The following PPP6C variants were observed in gnomAD, a reference collection of about 807,000 sequenced individuals.
PPP6C encodes the protein protein phosphatase 6 catalytic subunit.
PPP6C carries 11 observed loss-of-function variants against 39.8 expected under a neutral mutation model. The observed-to-expected ratio is 0.28, with a 90% CI of 0.17 to 0.46. The LOEUF is 0.46. Ranked by LOEUF, PPP6C falls within the 20% of genes least tolerant of loss-of-function variation. PPP6C has a pLI of 1.00. For synonymous variants in PPP6C, 129 were observed against 130.3 expected (o/e 0.99, Z 0.07); for missense variants, 211 against 373.9 (o/e 0.56, Z 3.59).
At chr9:125,172,838 A>G (rs1245295131) in intron 1 of PPP6C, among the ~76,000 whole-genome samples, 1 of 152,180 alleles carries the variant, frequency 6.6e-6, no homozygotes, top group East Asian at 1.9e-4. Context: ...CCTAAAGATC[A>G]TGAGTTGTAT....
intron 3 of PPP6C, among the ~76,000 whole-genome samples, chr9:125,160,573 A>G (rs1319888494): frequency 6.6e-6 from 1 of 152,204 alleles, no homozygotes; most frequent in Non-Finnish European, 1.5e-5. Context: ...CGCCATCCAC[A>G]TAAGATGTGA....
chr9:125,167,305 C>T (rs745866328), intron 2 of PPP6C, among the ~76,000 whole-genome samples: 1 of 140,774 alleles, frequency 7.1e-6, no homozygotes, highest in Middle Eastern at 4.2e-3. Context: ...CACTTGAACC[C>T]GGGAGGCAGA....
intron 2 of PPP6C, among the ~76,000 whole-genome samples, chr9:125,168,117 G>T (rs1829065865): frequency 6.6e-6 from 1 of 152,252 alleles, no homozygotes; most frequent in Admixed American, 6.5e-5. Flanking sequence ...ACCCTCCATT[G>T]CCTCTGTACC....
chr9:125,152,913 G>GAA (rs59385050), intron 6 of PPP6C, among the ~76,000 whole-genome samples: 1 of 141,578 alleles, frequency 7.1e-6, no homozygotes, highest in Non-Finnish European at 1.5e-5. Context: ...AGGTCTTTGA[G>GAA]AAAAAAAAAA....
At chr9:125,187,215 G>A (rs1175997874) in intron 1 of PPP6C, among the ~76,000 whole-genome samples, 1 of 151,778 alleles carries the variant, frequency 6.6e-6, no homozygotes, top group Admixed American at 6.6e-5. Context: ...CCAAAGTGCT[G>A]GGATTACAGG....
chr9:125,160,767 T>C, intron 3 of PPP6C, 74 bp downstream of exon 3: 1 of 1,074,588 alleles, frequency 9.3e-7, no homozygotes. Flanking sequence ...AAAGAATTAT[T>C]ATGCAATTTA....
chr9:125,160,856 T>G lies in PPP6C; in HGVS notation c.222A>C (p.Thr74=), dbSNP rs140347399. The G allele has an allele frequency of 6.3e-6, 10 of 1,592,942 alleles. No homozygotes were observed. The highest frequency in any genetic ancestry group is 8.5e-6 in the Non-Finnish European group (10 of 1,171,270). Residue 74 remains threonine (T), a synonymous_variant, in exon 3 of 7, where the codon ACA becomes ACC. Coordinates refer to ENST00000373547, the MANE Select transcript of PPP6C (RefSeq NM_002721.5). ...GTTTACATACCATAAATATGTAGTT[T>G]GTGTCAGGAACCTGACCTCCAGTTC... The part of the protein sequence containing the change: ...LFRTGGQVPD[T]NYIFMGDFVD...
chr9:125,187,725 G>A (rs1022495880), intron 1 of PPP6C, among the ~76,000 whole-genome samples: 1 of 151,818 alleles, frequency 6.6e-6, no homozygotes, highest in Non-Finnish European at 1.5e-5. Flanking sequence ...GCTACTAAGA[G>A]GTCTGGTTAG....
rs1169190980 is a variant in PPP6C at position 125,166,535 on chromosome 9, CTTTTTT to C, written c.171+4544_171+4549del. On this transcript the variant is annotated intron_variant, in intron 2 of 6. Transcript: ENST00000373547. ...GAATTTCACAAGTATTTTTCTTTTTCTTTTTTTTTTTTTTTTTAGCAGAGTCTCACT... is the reference window on the plus strand; with the variant it reads ...GAATTTCACAAGTATTTTTCTTTTTCTTTTTTTTTTTAGCAGAGTCTCACT... Among the ~76,000 whole-genome samples the C allele has an allele frequency of 3.7e-5, 5 of 134,466 alleles. No individual in the cohort carries two copies. In the Admixed American group the frequency reaches 3.8e-4, roughly 10 times the overall value. The allele number at this position is 134,466 out of a possible 152,430, so 88.2% of individuals were successfully genotyped here.
At chr9:125,151,286 CT>C in intron 6 of PPP6C, 1 of 1,494,132 alleles carries the variant, frequency 6.7e-7, no homozygotes, top group Middle Eastern at 1.7e-4. Flanking sequence ...GGTGGCCATC[CT>C]TGCGGATGAC....
At chr9:125,152,648 TG>T (rs1366615717) in intron 6 of PPP6C, among the ~76,000 whole-genome samples, 1 of 150,236 alleles carries the variant, frequency 6.7e-6, no homozygotes, top group Non-Finnish European at 1.5e-5. Flanking sequence ...CTCACCAACA[TG>T]GTGAAACCCC....
chr9:125,167,070 T>G (rs1829032025), intron 2 of PPP6C, among the ~76,000 whole-genome samples: 1 of 151,954 alleles, frequency 6.6e-6, no homozygotes, highest in South Asian at 2.1e-4. Context: ...CTGGCTAATT[T>G]TTTTCTTTTT....
Position 125,158,826 on chromosome 9 carries a change from G to A in PPP6C, c.238-444C>T, listed in dbSNP as rs1466618329. Among the ~76,000 whole-genome samples, 10 of 151,292 alleles carry A rather than the reference G, an allele frequency of 6.6e-5. No individual in the cohort carries two copies. In the East Asian group the frequency reaches 7.8e-4, roughly 12 times the overall value. ...ACAGGTACAAGCCGCCACCACACCCGGCTGATTTTTGTATTTTTTGTAGAG... is the reference window on the plus strand; with the variant it reads ...ACAGGTACAAGCCGCCACCACACCCAGCTGATTTTTGTATTTTTTGTAGAG... On this transcript the variant is annotated intron_variant, in intron 3 of 6. Transcript: ENST00000373547.
At chr9:125,183,100 A>T (rs1829452743) in intron 1 of PPP6C, among the ~76,000 whole-genome samples, 2 of 152,128 alleles carry the variant, frequency 1.3e-5, no homozygotes. Context: ...GAAACTAAAA[A>T]ATTATGCTAA....
intron 2 of PPP6C, among the ~76,000 whole-genome samples, chr9:125,164,264 TTA>T (rs1193823564): frequency 1.4e-5 from 2 of 146,168 alleles, no homozygotes; most frequent in African/African-American, 5.1e-5. Context: ...TCTCAGTCTG[TTA>T]CCCAGCCTGG....
chr9:125,161,398 T>C (rs1037595029), intron 2 of PPP6C, among the ~76,000 whole-genome samples: 1 of 152,120 alleles, frequency 6.6e-6, no homozygotes, highest in Non-Finnish European at 1.5e-5. Flanking sequence ...AGCCATGGAG[T>C]GTCTCCTCAA....
intron 1 of PPP6C, chr9:125,188,927 G>T: frequency 6.5e-7 from 1 of 1,548,672 alleles, no homozygotes; most frequent in Non-Finnish European, 8.7e-7. Flanking sequence ...ACCTCCTTTA[G>T]AAAACGAAGA....
Position 125,147,974 on chromosome 9 carries a change from C to T in PPP6C, c.*1699G>A, listed in dbSNP as rs1461178081. 1.1e-5 allele frequency: 2 copies of T among 186,184 alleles called. No individual in the cohort carries two copies. Among genetic ancestry groups the T allele is most frequent in the Non-Finnish European group, 2.3e-5 (2 of 88,756 alleles). 11.5% of individuals were successfully genotyped at this position (186,184 alleles called of 1,614,324 possible). On this transcript the variant is annotated 3_prime_UTR_variant, in exon 7 of 7. Transcript: ENST00000373547. Reference sequence around the variant, plus strand: ...GGATCAGGGCAGTAACACGAAGCTACTGACCCAACATTAGTTCAAGTGTGT... The same window carrying T: ...GGATCAGGGCAGTAACACGAAGCTATTGACCCAACATTAGTTCAAGTGTGT...
chr9:125,151,573 C>A, intron 6 of PPP6C: 2 of 793,828 alleles, frequency 2.5e-6, no homozygotes, highest in South Asian at 2.7e-5. Context: ...CTTACCTATT[C>A]AGTCATGTCC....
Sources: gnomAD v4.1 joint callset for allele counts (sites outside exome capture counted in the v4.1 genomes callset) on GRCh38, gnomAD v4.1.1 for gene constraint, MANE v1.5 for transcripts, NCBI Gene and HGNC (gene_info 2026-07-23, HGNC 2026-07-21) for gene names.